Variants in ESF1 observed in about 807,000 individuals in gnomAD.
The protein encoded by ESF1 is ESF1 homolog.
Under a neutral mutation model 92.0 loss-of-function variants are expected in ESF1, and 58 were observed. The ratio of observed to expected loss-of-function variants is 0.63; its 90% CI spans 0.51 to 0.78. The LOEUF (loss-of-function observed/expected upper bound fraction) is 0.78, where lower values mean the gene tolerates loss of function less well. ESF1 is among the 30% of genes least tolerant of loss of function. The pLI is 0.00. For synonymous variants in ESF1, 321 were observed against 313.7 expected, an observed-to-expected ratio of 1.02 and a Z score of -0.24; for missense variants, 922 against 989.1, an observed-to-expected ratio of 0.93 and a Z score of 0.91.
At chr20:13,720,070 G>A (rs2049856905) in intron 11 of ESF1, among the ~76,000 whole-genome samples, 1 of 152,106 alleles carries the variant, frequency 6.6e-6, no homozygotes. Context: ...TGGTAAAACA[G>A]GGATCTGGAA....
At chr20:13,737,257 C>A (rs994473454) in intron 9 of ESF1, among the ~76,000 whole-genome samples, 1 of 152,150 alleles carries the variant, frequency 6.6e-6, no homozygotes, top group Non-Finnish European at 1.5e-5. Flanking sequence ...TCTTTCACAG[C>A]CAACCACAAA....
At chr20:13,739,224 TG>T (rs1352788641) in intron 9 of ESF1, among the ~76,000 whole-genome samples, 2 of 152,184 alleles carry the variant, frequency 1.3e-5, no homozygotes, top group Non-Finnish European at 2.9e-5. Context: ...GCTATTTAAC[TG>T]GGTAGAAATT....
At chr20:13,741,735 T>C (rs927941922) in intron 9 of ESF1, among the ~76,000 whole-genome samples, 1 of 152,156 alleles carries the variant, frequency 6.6e-6, no homozygotes, top group Non-Finnish European at 1.5e-5. Context: ...GTTTCTTAGA[T>C]AAAACAGCAA....
Position 13,727,096 on chromosome 20 carries a change from A to G in ESF1, c.2038+1282T>C, listed in dbSNP as rs142897758. Among the ~76,000 whole-genome samples the G allele has an allele frequency of 2.8e-4, 43 of 152,340 alleles. No homozygotes were observed. In the East Asian group the frequency reaches 7.9e-3, roughly 28 times the overall value. On this transcript the variant is annotated intron_variant, in intron 11 of 13. Coordinates refer to ENST00000617257, the MANE Select transcript of ESF1 (RefSeq NM_001276380.2). The stretch of plus-strand genomic sequence containing the variant: ...TCAAACCATTTAACTTATTCTTTGA[A>G]TCCTATTCTGAGTTCTGCAATTTGA...
chr20:13,774,071 G>C (rs68012295), intron 4 of ESF1, among the ~76,000 whole-genome samples: 1 of 151,616 alleles, frequency 6.6e-6, no homozygotes, highest in African/African-American at 2.4e-5. Flanking sequence ...CTCCAGCCTG[G>C]GCGACAGAGC....
rs528371587 is a variant in ESF1, at chr20:13,715,531, T to C, written c.2263-364A>G. 2.0e-5 allele frequency among the ~76,000 whole-genome samples: 3 copies of C among 152,316 alleles called. 1 individual carries two copies. In the South Asian group the frequency reaches 6.2e-4, roughly 32 times the overall value. On this transcript the variant is annotated intron_variant, in intron 13 of 13. Coordinates refer to ENST00000617257, the MANE Select transcript of ESF1 (RefSeq NM_001276380.2). ...TGCTTACAGCACAAAATCAATTTCTTACCAGCATAAATAAGCCAATCAGAA... is the reference window on the plus strand; with the variant it reads ...TGCTTACAGCACAAAATCAATTTCTCACCAGCATAAATAAGCCAATCAGAA...
intron 9 of ESF1, among the ~76,000 whole-genome samples, chr20:13,755,051 T>C (rs1033242373): frequency 1.2e-4 from 18 of 152,262 alleles, no homozygotes; most frequent in African/African-American, 4.3e-4. Flanking sequence ...TATATATCTG[T>C]CATCTGTTTA....
intron 2 of ESF1, among the ~76,000 whole-genome samples, chr20:13,779,888 C>T (rs949043450): frequency 6.6e-6 from 1 of 152,136 alleles, no homozygotes; most frequent in African/African-American, 2.4e-5. Flanking sequence ...TTGCACACAT[C>T]CAATTATTTA....
At chr20:13,766,692 T>C (rs973210139) in intron 8 of ESF1, 85 bp downstream of exon 8, 6 of 1,353,664 alleles carry the variant, frequency 4.4e-6, no homozygotes, top group Non-Finnish European at 5.2e-6. Flanking sequence ...CATGTGAGCA[T>C]ATCTGCAGAC....
At chr20:13,761,471 C>A (rs1225703844) in intron 8 of ESF1, among the ~76,000 whole-genome samples, 7 of 150,048 alleles carry the variant, frequency 4.7e-5, no homozygotes, top group Non-Finnish European at 1.0e-4. Flanking sequence ...CACTATCCAG[C>A]ACAGTGGCTT....
intron 8 of ESF1, among the ~76,000 whole-genome samples, chr20:13,766,145 T>C (rs75692309): frequency 0.017 from 2,516 of 152,118 alleles, 20 homozygotes; most frequent in Non-Finnish European, 0.024. Flanking sequence ...AGGCAAGATA[T>C]AATGACGAGA....
rs754765365 is a variant in ESF1 at position 13,783,007 on chromosome 20, T to C, written c.134A>G (p.Lys45Arg). The change falls in exon 2 of 14, where the codon AAG becomes AGG. Residue 45 changes from lysine (K) to arginine (R), a missense_variant. Physicochemically the swap from Lys to Arg is conservative, Grantham distance 26. Coordinates refer to ENST00000617257, the MANE Select transcript of ESF1 (RefSeq NM_001276380.2). Reference sequence around the variant, plus strand: ...CACGGCATAGTTCAACTTGAACTTCTTGTCATGAAACATGGCTCGAAATCT... The same window carrying C: ...CACGGCATAGTTCAACTTGAACTTCCTGTCATGAAACATGGCTCGAAATCT... ...DKRFRAMFHD[K>R]KFKLNYAVDK... 6 of 1,614,068 alleles carry C rather than the reference T, an allele frequency of 3.7e-6. No individual in the cohort carries two copies. The highest frequency in any genetic ancestry group is 5.1e-6 in the Non-Finnish European group (6 of 1,180,044).
intron 9 of ESF1, among the ~76,000 whole-genome samples, chr20:13,736,454 A>G (rs377593171): frequency 1.3e-5 from 2 of 152,218 alleles, no homozygotes; most frequent in Admixed American, 1.3e-4. Context: ...TTCCCAATTT[A>G]TAAGTTTCAT....
chr20:13,752,529 T>C (rs868813977), intron 9 of ESF1, among the ~76,000 whole-genome samples: 3 of 152,224 alleles, frequency 2.0e-5, no homozygotes, highest in Non-Finnish European at 4.4e-5. Context: ...AATGAGCACA[T>C]TGGCAATAAA....
At chr20:13,728,339 TAGATTCC>T in intron 11 of ESF1, 32 bp downstream of exon 11, 2 of 1,494,318 alleles carry the variant, frequency 1.3e-6, no homozygotes, top group South Asian at 2.4e-5. Flanking sequence ...CCTTTTTCTT[TAGATTCC>T]AGTTGAAAAC....
At chr20:13,748,862 A>C (rs6074638) in intron 9 of ESF1, among the ~76,000 whole-genome samples, 137,323 of 151,990 alleles carry the variant, frequency 0.9, 62,129 homozygotes, top group East Asian at 1. Flanking sequence ...GCTGGGATTA[A>C]AGGCGTGAGC....
At chr20:13,760,092 T>C (rs1223364826) in intron 8 of ESF1, among the ~76,000 whole-genome samples, 1 of 152,280 alleles carries the variant, frequency 6.6e-6, no homozygotes, top group African/African-American at 2.4e-5. Flanking sequence ...TTAAAATTTA[T>C]ATTGGATAAT....
intron 2 of ESF1, among the ~76,000 whole-genome samples, chr20:13,779,390 C>T (rs1980082598): frequency 6.6e-6 from 1 of 152,106 alleles, no homozygotes; most frequent in Admixed American, 6.5e-5. Flanking sequence ...AACCATATCC[C>T]TAAATTTCTT....
chr20:13,730,815 TCAA>T (rs1418483063), intron 10 of ESF1, among the ~76,000 whole-genome samples: 1 of 151,978 alleles, frequency 6.6e-6, no homozygotes, highest in East Asian at 1.9e-4. Flanking sequence ...TTTATAGATC[TCAA>T]CAACAGCTAG....
Sources: gnomAD v4.1 joint callset for allele counts (sites outside exome capture counted in the v4.1 genomes callset) on GRCh38, gnomAD v4.1.1 for gene constraint, MANE v1.5 for transcripts, NCBI Gene and HGNC (gene_info 2026-07-23, HGNC 2026-07-21) for gene names.